NDUFA10: variants seen among roughly 807,000 people sequenced by gnomAD.
NDUFA10 encodes NADH dehydrogenase [ubiquinone] 1 alpha subcomplex subunit 10, mitochondrial.
In NDUFA10, 40 loss-of-function variants were observed where a neutral mutation model predicts 47.8. The ratio of observed to expected loss-of-function variants is 0.84; its 90% confidence interval spans 0.65 to 1.09. The LOEUF (loss-of-function observed/expected upper bound fraction) is 1.09. NDUFA10 is among the 50% of genes least tolerant of loss of function. The pLI is 0.00. For synonymous variants in NDUFA10, 183 were observed against 172.2 expected, an observed-to-expected ratio of 1.06 and a Z score of -0.49; for missense variants, 413 against 451.1, an observed-to-expected ratio of 0.92 and a Z score of 0.76.
In NDUFA10 at chr2:239,986,830, A is replaced by G. The variant is rs376566711; in HGVS notation, c.999+3244T>C. Among the ~76,000 whole-genome samples, 7 of 152,342 alleles carry G rather than the reference A, an allele frequency of 4.6e-5. No individual in the cohort carries two copies. In the East Asian group the frequency reaches 1.2e-3, roughly 25 times the overall value. ...TATGTCCCCCTCAAAATACTGACTAAATATTAAGAGTAAAAGATAACTTTA... is the reference window on the plus strand; with the variant it reads ...TATGTCCCCCTCAAAATACTGACTAGATATTAAGAGTAAAAGATAACTTTA... On this transcript the variant is annotated intron_variant, in intron 9 of 9. Transcript: ENST00000252711.
chr2:239,942,614 A>G (rs1371912448), intron 4 of NDUFA10, among the ~76,000 whole-genome samples: 1 of 152,034 alleles, frequency 6.6e-6, no homozygotes, highest in African/African-American at 2.4e-5. Context: ...GGCAAAGCAC[A>G]GGAATATTTT....
chr2:240,005,181 T>C (rs1265288422), intron 8 of NDUFA10, 29 bp downstream of exon 8: 6 of 1,586,246 alleles, frequency 3.8e-6, no homozygotes, highest in African/African-American at 1.3e-5. Context: ...ACCCCAGACA[T>C]GCAGCAGCCC....
intron 4 of NDUFA10, among the ~76,000 whole-genome samples, chr2:239,916,936 G>T (rs1283756495): frequency 6.6e-6 from 1 of 152,246 alleles, no homozygotes; most frequent in Non-Finnish European, 1.5e-5. Flanking sequence ...GAGCCATGGG[G>T]TGCTGGCACC....
chr2:239,893,760 A>G (rs1035461047), intron 5 of NDUFA10, among the ~76,000 whole-genome samples: 1 of 152,216 alleles, frequency 6.6e-6, no homozygotes, highest in Non-Finnish European at 1.5e-5. Context: ...ACATCATTCA[A>G]ACCACGCAGT....
downstream of NDUFA10, among the ~76,000 whole-genome samples, chr2:239,953,042 G>A (rs182084799): frequency 3.0e-4 from 45 of 152,322 alleles, no homozygotes; most frequent in Middle Eastern, 3.4e-3. Context: ...GGGGACTGTG[G>A]TGCACAGAAC....
Position 239,972,137 on chromosome 2 carries a change from A to ATGTGTGTG in NDUFA10, c.1000-10959_1000-10952dup, listed in dbSNP as rs4149568. Among the ~76,000 whole-genome samples the ATGTGTGTG allele has an allele frequency of 1.3e-4, 20 of 150,612 alleles. No individual in the cohort carries two copies. The East Asian group carries it at 3.1e-3, about 24-fold the overall frequency. On this transcript the variant is annotated intron_variant, in intron 9 of 9. Transcript: ENST00000252711. ...CCAGCTGAAAGAGTTTTCATGAAGG[A>ATGTGTGTG]TGTGTGTGTGTGTGTGTGTGTGTGT...
chr2:239,989,694 T>C (rs1696165039), intron 9 of NDUFA10, among the ~76,000 whole-genome samples: 2 of 152,272 alleles, frequency 1.3e-5, no homozygotes, highest in African/African-American at 4.8e-5. Context: ...TCCTCCCATA[T>C]GGCCTAAGGG....
At chr2:239,936,887 G>A (rs551631899) in intron 4 of NDUFA10, among the ~76,000 whole-genome samples, 1 of 152,342 alleles carries the variant, frequency 6.6e-6, no homozygotes, top group South Asian at 2.1e-4. Flanking sequence ...TTGAATCTGA[G>A]AGGCGGAGGT....
intron 1 of NDUFA10, among the ~76,000 whole-genome samples, chr2:240,024,357 G>A (rs536702588): frequency 2.0e-5 from 3 of 152,322 alleles, no homozygotes; most frequent in East Asian, 3.9e-4. Flanking sequence ...TATTCAAGGC[G>A]TCTGAAAAGG....
chr2:239,903,066 G>C (rs996642798), intron 4 of NDUFA10, among the ~76,000 whole-genome samples: 1 of 152,180 alleles, frequency 6.6e-6, no homozygotes, highest in Non-Finnish European at 1.5e-5. Flanking sequence ...ATGAGTGGCT[G>C]TGGTGGAAAT....
chr2:239,911,668 A>T (rs866453755), intron 4 of NDUFA10, among the ~76,000 whole-genome samples: 2,565 of 79,216 alleles, frequency 0.032, 76 homozygotes, highest in African/African-American at 0.1. Flanking sequence ...AAAACATGAG[A>T]GAGTGTGTGT....
chr2:240,016,706 TC>T lies in NDUFA10; in HGVS notation c.547+1846del, dbSNP rs1029987223. ...TCCCCAAAGGATCTGGTCTCAGCCC[TC>T]CCCCATCACCCCTTGGGCTTTCCCA... On this transcript the variant is annotated intron_variant, in intron 4 of 9. Coordinates refer to ENST00000252711, the MANE Select transcript of NDUFA10 (RefSeq NM_004544.4). The surrounding 1 kb of genome is among the most constrained non-coding windows in gnomAD (Gnocchi z 4.4). Among the ~76,000 whole-genome samples, 5 of 151,890 alleles carry T rather than the reference TC, an allele frequency of 3.3e-5. No individual in the cohort carries two copies. The highest frequency in any genetic ancestry group is 1.2e-4 in the African/African-American group (5 of 41,416).
At chr2:240,017,826 C>T (rs6746937) in intron 4 of NDUFA10, 232,584 of 1,559,508 alleles carry the variant, frequency 0.15, 18,414 homozygotes, top group South Asian at 0.16. Context: ...TGGCTTGCTT[C>T]GGCCTCCTCT....
intron 4 of NDUFA10, among the ~76,000 whole-genome samples, chr2:239,900,315 CATATAT>C (rs142452963): frequency 4.1e-4 from 58 of 142,704 alleles, no homozygotes; most frequent in Non-Finnish European, 6.0e-4. Flanking sequence ...AACTCCCCTT[CATATAT>C]ATATATATAT....
chr2:239,905,807 A>G (rs1574768078), intron 4 of NDUFA10, among the ~76,000 whole-genome samples: 1 of 91,376 alleles, frequency 1.1e-5, no homozygotes, highest in African/African-American at 4.3e-5. Context: ...AGAGGAGGGG[A>G]GGGGAAGGGA....
chr2:239,959,183 C>T lies in NDUFA10; in HGVS notation c.*1935G>A, dbSNP rs1694745510. On this transcript the variant is annotated 3_prime_UTR_variant, in exon 10 of 10. Coordinates refer to ENST00000252711, the MANE Select transcript of NDUFA10 (RefSeq NM_004544.4). ...CCACTCCATCAAGGGAATGCAACCA[C>T]ACAGGGTCAGACGCAAACACAGGGG... The T allele has an allele frequency of 1.0e-6, 1 of 983,848 alleles. No individual in the cohort carries two copies. Among genetic ancestry groups the T allele is most frequent in the Non-Finnish European group, 1.2e-6 (1 of 829,140 alleles). 60.9% of individuals were successfully genotyped at this position (983,848 alleles called of 1,614,324 possible).
At chr2:239,931,513 C>T (rs1458250779) in intron 4 of NDUFA10, among the ~76,000 whole-genome samples, 2 of 152,010 alleles carry the variant, frequency 1.3e-5, no homozygotes, top group African/African-American at 2.4e-5. Context: ...CTCGCCACAG[C>T]GTCTTTCCAC....
chr2:239,896,061 CAT>C (rs781417228), intron 4 of NDUFA10, among the ~76,000 whole-genome samples: 31 of 152,212 alleles, frequency 2.0e-4, no homozygotes, highest in Non-Finnish European at 3.5e-4. Flanking sequence ...GAAGTGGACT[CAT>C]GTGGAAGGTG....
intron 5 of NDUFA10, 43 bp from the exon 6 acceptor site, chr2:240,011,739 T>C (rs772093773): frequency 2.0e-6 from 3 of 1,501,812 alleles, no homozygotes; most frequent in Non-Finnish European, 1.9e-6. Flanking sequence ...CATTTAGAGT[T>C]CATTCTCTTT....
Sources: allele counts gnomAD v4.1 joint callset (sites outside exome capture counted in the v4.1 genomes callset), GRCh38; gene constraint gnomAD v4.1.1; non-coding constraint Gnocchi (gnomAD v3.1); transcripts MANE v1.5; gene names NCBI Gene and HGNC (gene_info 2026-07-23, HGNC 2026-07-21).